MSI2: variants seen among roughly 807,000 people sequenced by gnomAD.
MSI2 encodes the protein RNA-binding protein Musashi homolog 2.
Under a neutral mutation model 45.6 loss-of-function variants are expected in MSI2, and 17 were observed. The observed-to-expected ratio is 0.37, with a 90% CI of 0.26 to 0.56. MSI2 has a LOEUF of 0.56. MSI2 is among the 20% of genes least tolerant of loss of function. The probability of loss-of-function intolerance (pLI) is 0.77; values close to 1 mark genes in which losing one functional copy is unlikely to be tolerated. For missense variants in MSI2, 293 were observed against 444.2 expected (o/e 0.66, Z 3.06); for synonymous variants, 156 against 158.2 (o/e 0.99, Z 0.11).
chr17:57,612,663 C>T (rs1907284187), intron 8 of MSI2, among the ~76,000 whole-genome samples: 1 of 152,216 alleles, frequency 6.6e-6, no homozygotes, highest in Admixed American at 6.5e-5. Context: ...GCTGTCAGCC[C>T]TGTTCAGTGA....
chr17:57,287,146 T>A (rs112619062), intron 5 of MSI2, among the ~76,000 whole-genome samples: 14 of 151,708 alleles, frequency 9.2e-5, no homozygotes, highest in African/African-American at 2.9e-4. Context: ...TTTTTTTTTT[T>A]AATTTGCTGA....
At chr17:57,628,222 C>T (rs73992122) in intron 10 of MSI2, 2,724 of 152,330 alleles carry the variant, frequency 0.018, 81 homozygotes, top group African/African-American at 0.062. Flanking sequence ...GGGCTGCAGG[C>T]GGAGTTTCAC....
chr17:57,585,987 A>G (rs2088336013), intron 7 of MSI2, among the ~76,000 whole-genome samples: 1 of 152,200 alleles, frequency 6.6e-6, no homozygotes, highest in African/African-American at 2.4e-5. Context: ...TAGCGATTTA[A>G]TTTGGTGAAT....
intron 7 of MSI2, among the ~76,000 whole-genome samples, chr17:57,586,806 A>C (rs1598425705): frequency 6.6e-6 from 1 of 151,768 alleles, no homozygotes; most frequent in South Asian, 2.1e-4. Context: ...TGAGGCCAGG[A>C]GTTCGAGAGC....
chr17:57,438,354 G>C (rs977253887), intron 6 of MSI2, among the ~76,000 whole-genome samples: 2 of 152,170 alleles, frequency 1.3e-5, no homozygotes, highest in African/African-American at 4.8e-5. Flanking sequence ...TGGCCGCAGA[G>C]ATAAGACCAC....
intron 5 of MSI2, among the ~76,000 whole-genome samples, chr17:57,289,239 A>G (rs1910191948): frequency 6.6e-6 from 1 of 152,168 alleles, no homozygotes; most frequent in Admixed American, 6.5e-5. Context: ...GTGAAAGGGC[A>G]GGGAGAGGGG....
downstream of MSI2, among the ~76,000 whole-genome samples, chr17:57,688,285 A>G (rs1422775522): frequency 6.6e-6 from 1 of 152,096 alleles, no homozygotes; most frequent in East Asian, 1.9e-4. Context: ...ATGAATACAG[A>G]AAAATTGCTA....
chr17:57,520,157 G>A (rs116822508), intron 6 of MSI2, among the ~76,000 whole-genome samples: 237 of 152,246 alleles, frequency 1.6e-3, no homozygotes, highest in African/African-American at 5.2e-3. Flanking sequence ...TGCCTATTAC[G>A]CTCCAGTAAA....
chr17:57,660,754 C>G (rs1226071279), intron 11 of MSI2, among the ~76,000 whole-genome samples: 4 of 152,146 alleles, frequency 2.6e-5, no homozygotes, highest in Non-Finnish European at 4.4e-5. Context: ...GGCAAAGCCA[C>G]CAGACCTCGG....
intron 7 of MSI2, among the ~76,000 whole-genome samples, chr17:57,561,360 A>G (rs1426266612): frequency 6.6e-6 from 1 of 152,070 alleles, no homozygotes; most frequent in Non-Finnish European, 1.5e-5. Context: ...TGTCAGCCCC[A>G]AGCAGGCCCC....
chr17:57,585,219 G>A (rs2088314781), intron 7 of MSI2, among the ~76,000 whole-genome samples: 1 of 152,118 alleles, frequency 6.6e-6, no homozygotes, highest in Non-Finnish European at 1.5e-5. Context: ...CATGATAGTT[G>A]GTAAAGCACC....
intron 7 of MSI2, among the ~76,000 whole-genome samples, chr17:57,569,858 T>G (rs2087829521): frequency 6.6e-6 from 1 of 152,164 alleles, no homozygotes; most frequent in African/African-American, 2.4e-5. Context: ...CTCAAGAATT[T>G]TAGGGTGCAG....
chr17:57,451,763 A>G (rs1782735198), intron 6 of MSI2, among the ~76,000 whole-genome samples: 1 of 152,222 alleles, frequency 6.6e-6, no homozygotes, highest in African/African-American at 2.4e-5. Flanking sequence ...CGAGACCGGC[A>G]CAGCTGCCCT....
chr17:57,465,428 A>G (rs2085311843), intron 6 of MSI2, among the ~76,000 whole-genome samples: 1 of 152,226 alleles, frequency 6.6e-6, no homozygotes, highest in Non-Finnish European at 1.5e-5. Context: ...AAAATGAGGT[A>G]GATCCCTGCC....
intron 5 of MSI2, among the ~76,000 whole-genome samples, chr17:57,342,251 A>C (rs1915232951): frequency 6.6e-6 from 1 of 152,200 alleles, no homozygotes; most frequent in Non-Finnish European, 1.5e-5. Flanking sequence ...CCTCTTTGAT[A>C]CATGGACATC....
chr17:57,265,443 T>G (rs967070709), intron 5 of MSI2: 4 of 152,194 alleles, frequency 2.6e-5, no homozygotes, highest in Non-Finnish European at 2.9e-5. Flanking sequence ...AATGGTAACT[T>G]AAAAAGAAAG....
In MSI2 at chr17:57,675,216, G is replaced by A. The variant is rs1913141392; in HGVS notation, c.945+90G>A. 7.6e-6 allele frequency: 10 copies of A among 1,322,360 alleles called. No individual in the cohort carries two copies. In the South Asian group the frequency reaches 1.3e-4, roughly 18 times the overall value. The allele number at this position is 1,322,360 out of a possible 1,614,324, so 81.9% of individuals were successfully genotyped here. On this transcript the variant is annotated intron_variant, in intron 12 of 13. Coordinates refer to ENST00000284073, the MANE Select transcript of MSI2 (RefSeq NM_138962.4). ...GGTGTGCCAGGAAAGCCCAACATCG[G>A]GGGCAGAGGAGAGGACAGAGGGTCC...
At chr17:57,445,367 G>T (rs2084878284) in intron 6 of MSI2, among the ~76,000 whole-genome samples, 1 of 152,166 alleles carries the variant, frequency 6.6e-6, no homozygotes, top group African/African-American at 2.4e-5. Context: ...CGATGCTGGG[G>T]TTTGAAGGTG....
Position 57,596,006 on chromosome 17 carries a change from G to A in MSI2, c.455-862G>A, listed in dbSNP as rs1286970568. Reference sequence around the variant, plus strand: ...TCCCTCGCCATGTTAACGCTACCATGTGGCAGCTGCATCCCATCCAAGGAG... The same window carrying A: ...TCCCTCGCCATGTTAACGCTACCATATGGCAGCTGCATCCCATCCAAGGAG... On this transcript the variant is annotated intron_variant, in intron 7 of 13. Transcript: ENST00000284073. The surrounding 1 kb of genome is among the most constrained non-coding windows in gnomAD (Gnocchi z 4.6). Among the ~76,000 whole-genome samples the A allele has an allele frequency of 6.6e-6, 1 of 152,242 alleles. No homozygotes were observed. The highest frequency in any genetic ancestry group is 1.5e-5 in the Non-Finnish European group (1 of 68,048).
Sources: allele counts gnomAD v4.1 joint callset (sites outside exome capture counted in the v4.1 genomes callset), GRCh38; gene constraint gnomAD v4.1.1; non-coding constraint Gnocchi (gnomAD v3.1); transcripts MANE v1.5; gene names NCBI Gene and HGNC (gene_info 2026-07-23, HGNC 2026-07-21).